The following LRP1B variants were observed in gnomAD, a reference collection of about 807,000 sequenced individuals.
The protein encoded by LRP1B is low-density lipoprotein receptor-related protein 1B.
A neutral mutation model predicts 556.6 loss-of-function variants in LRP1B; 217 were observed. The ratio of observed to expected loss-of-function variants is 0.39; its 90% CI spans 0.35 to 0.44. The LOEUF (loss-of-function observed/expected upper bound fraction) is 0.44, where lower values mean the gene tolerates loss of function less well. Among genes scored for constraint, LRP1B ranks in the 20% least tolerant of loss-of-function variants. The pLI is 1.00. For synonymous variants in LRP1B, 2,047 were observed against 1,865.8 expected, an observed-to-expected ratio of 1.10 and a Z score of -2.50; for missense variants, 5,053 against 5,620.8, an observed-to-expected ratio of 0.90 and a Z score of 3.23.
At chr2:140,870,372 A>G (rs141000826) in intron 25 of LRP1B, among the ~76,000 whole-genome samples, 2 of 152,230 alleles carry the variant, frequency 1.3e-5, no homozygotes, top group African/African-American at 4.8e-5. Context: ...TGAAAATTAT[A>G]TACCACTCCT....
At chr2:141,116,103 T>A (rs915246894) in intron 7 of LRP1B, among the ~76,000 whole-genome samples, 2 of 152,176 alleles carry the variant, frequency 1.3e-5, no homozygotes, top group African/African-American at 2.4e-5. Flanking sequence ...AATAGCAGTA[T>A]GTTTATTTTG....
intron 2 of LRP1B, among the ~76,000 whole-genome samples, chr2:141,776,134 C>T (rs1156520704): frequency 6.6e-6 from 1 of 152,162 alleles, no homozygotes; most frequent in African/African-American, 2.4e-5. Context: ...GCATGAGCCA[C>T]CAGCCCCGCC....
chr2:141,709,304 G>C (rs1407147632), intron 2 of LRP1B, among the ~76,000 whole-genome samples: 1 of 151,610 alleles, frequency 6.6e-6, no homozygotes, highest in African/African-American at 2.4e-5. Flanking sequence ...AGCCAAGACT[G>C]CACCATTGCA....
intron 1 of LRP1B, among the ~76,000 whole-genome samples, chr2:141,939,940 C>T (rs940158889): frequency 6.6e-6 from 1 of 152,076 alleles, no homozygotes; most frequent in Admixed American, 6.6e-5. Context: ...TAATTTGGCT[C>T]ACTATCACTA....
chr2:140,658,441 T>C (rs1684965678), intron 41 of LRP1B, among the ~76,000 whole-genome samples: 1 of 152,020 alleles, frequency 6.6e-6, no homozygotes, highest in Admixed American at 6.6e-5. Context: ...TAAACAATCT[T>C]TGGCAATAAG....
rs190291346 is a variant in LRP1B at position 140,927,975 on chromosome 2, A to C, written c.3137-4828T>G. Among the ~76,000 whole-genome samples the C allele has an allele frequency of 9.3e-4, 141 of 152,006 alleles. 1 individual carries two copies. Among genetic ancestry groups the C allele is most frequent in the Middle Eastern group, 6.8e-3 (2 of 294 alleles). On this transcript the variant is annotated intron_variant, in intron 20 of 90. Coordinates refer to ENST00000389484, the MANE Select transcript of LRP1B (RefSeq NM_018557.3). Reference sequence around the variant, plus strand: ...TGTCCAGGCAGGTCTCGAACTCCTGACCTCAGTTGATCTGCCCACCTTGGC... The same window carrying C: ...TGTCCAGGCAGGTCTCGAACTCCTGCCCTCAGTTGATCTGCCCACCTTGGC...
At chr2:141,700,308 C>T (rs1691894719) in intron 2 of LRP1B, among the ~76,000 whole-genome samples, 2 of 151,710 alleles carry the variant, frequency 1.3e-5, no homozygotes, top group Admixed American at 1.3e-4. Flanking sequence ...AGAGCAGGTG[C>T]CTTGTCTATT....
chr2:141,384,619 C>T (rs1689763022), intron 3 of LRP1B, among the ~76,000 whole-genome samples: 1 of 152,012 alleles, frequency 6.6e-6, no homozygotes, highest in Non-Finnish European at 1.5e-5. Flanking sequence ...GCCTTCATGT[C>T]TTTATGCCCC....
chr2:140,347,845 T>G (rs1451549823), intron 77 of LRP1B, among the ~76,000 whole-genome samples: 2 of 152,004 alleles, frequency 1.3e-5, no homozygotes, highest in Non-Finnish European at 2.9e-5. Context: ...TCAGTATTAT[T>G]TAATATTTGT....
intron 29 of LRP1B, among the ~76,000 whole-genome samples, chr2:140,842,483 A>T (rs1692140368): frequency 6.6e-6 from 1 of 152,084 alleles, no homozygotes; most frequent in Non-Finnish European, 1.5e-5. Flanking sequence ...GAACCCTCTC[A>T]CTCTGCAAAT....
At chr2:141,173,037 T>C (rs900650731) in intron 7 of LRP1B, among the ~76,000 whole-genome samples, 5 of 145,340 alleles carry the variant, frequency 3.4e-5, no homozygotes, top group African/African-American at 1.3e-4. Context: ...TCTCTTTAAA[T>C]GTAGTATGCT....
At chr2:140,854,920 T>C (rs187177912) in intron 27 of LRP1B, among the ~76,000 whole-genome samples, 41 of 152,262 alleles carry the variant, frequency 2.7e-4, no homozygotes, top group Admixed American at 2.6e-3. Flanking sequence ...ATTCAAAAGA[T>C]GGGAAAGCCA....
intron 2 of LRP1B, among the ~76,000 whole-genome samples, chr2:141,603,193 G>A (rs1687810421): frequency 6.6e-6 from 1 of 152,078 alleles, no homozygotes; most frequent in Non-Finnish European, 1.5e-5. Context: ...TACAATCCAA[G>A]GATATTATTT....
chr2:140,895,458 A>G (rs1693924751), intron 23 of LRP1B, among the ~76,000 whole-genome samples: 1 of 152,056 alleles, frequency 6.6e-6, no homozygotes, highest in African/African-American at 2.4e-5. Flanking sequence ...GAAGGGGAGA[A>G]GGCAGGTGAG....
At chr2:141,738,975 C>T (rs1454637955) in intron 2 of LRP1B, among the ~76,000 whole-genome samples, 6 of 152,090 alleles carry the variant, frequency 3.9e-5, no homozygotes, top group African/African-American at 1.4e-4. Context: ...CACACAGACA[C>T]ATTGCAAAAT....
chr2:140,659,112 T>TG (rs1312681081), intron 41 of LRP1B, among the ~76,000 whole-genome samples: 1 of 138,398 alleles, frequency 7.2e-6, no homozygotes, highest in Non-Finnish European at 1.5e-5. Flanking sequence ...TTTTTTTTTT[T>TG]TTTTTTTTTT....
At chr2:142,084,460 AT>A (rs1705835641) in intron 1 of LRP1B, among the ~76,000 whole-genome samples, 1 of 144,164 alleles carries the variant, frequency 6.9e-6, no homozygotes, top group East Asian at 2.1e-4. Flanking sequence ...AACTCTCAAG[AT>A]TTCACCTCTG....
chr2:140,720,120 C>A (rs574533807), intron 35 of LRP1B, among the ~76,000 whole-genome samples: 1 of 151,848 alleles, frequency 6.6e-6, no homozygotes, highest in African/African-American at 2.4e-5. Context: ...ATACTTATTT[C>A]CAAATATATT....
intron 35 of LRP1B, among the ~76,000 whole-genome samples, chr2:140,722,040 C>T (rs1255883987): frequency 6.6e-6 from 1 of 151,992 alleles, no homozygotes; most frequent in Non-Finnish European, 1.5e-5. Context: ...TCTTCTCTTC[C>T]CCTGTGGGCA....
Sources: gnomAD v4.1 joint callset for allele counts (sites outside exome capture counted in the v4.1 genomes callset) on GRCh38, gnomAD v4.1.1 for gene constraint, MANE v1.5 for transcripts, NCBI Gene and HGNC (gene_info 2026-07-23, HGNC 2026-07-21) for gene names.